The following NRXN3 variants were observed in gnomAD, a reference collection of about 807,000 sequenced individuals.
NRXN3 encodes neurexin 3, also known as neurexin III.
Under a neutral mutation model 137.6 loss-of-function variants are expected in NRXN3, and 32 were observed. The observed-to-expected ratio is 0.23, with a 90% CI of 0.18 to 0.31. The LOEUF is 0.31. Among genes scored for constraint, NRXN3 ranks in the 10% least tolerant of loss-of-function variants. The pLI, the probability that NRXN3 is intolerant of heterozygous loss-of-function variation, is 1.00. For missense variants in NRXN3, 1,574 were observed against 2,062.5 expected, an observed-to-expected ratio of 0.76 and a Z score of 4.59; for synonymous variants, 798 against 784.5, an observed-to-expected ratio of 1.02 and a Z score of -0.29.
At chr14:79,650,104 ATTGCTTGCTTGC>A (rs111731789) in intron 16 of NRXN3, among the ~76,000 whole-genome samples, 1 of 151,846 alleles carries the variant, frequency 6.6e-6, no homozygotes, top group African/African-American at 2.4e-5. Context: ...TCTGCTGCAG[ATTGCTTGCTTGC>A]TTGCTTGCTT....
At chr14:79,236,450 A>G (rs2073381816) in intron 15 of NRXN3, among the ~76,000 whole-genome samples, 1 of 152,112 alleles carries the variant, frequency 6.6e-6, no homozygotes, top group African/African-American at 2.4e-5. Flanking sequence ...TTAATACACA[A>G]ATTTCTCAAT....
intron 16 of NRXN3, among the ~76,000 whole-genome samples, chr14:79,605,589 G>A (rs1339649237): frequency 1.3e-5 from 2 of 152,120 alleles, no homozygotes; most frequent in Non-Finnish European, 2.9e-5. Flanking sequence ...CCAGGTTCAA[G>A]CAATTCTCCT....
chr14:78,276,534 ATCTCATTTAAT>A (rs1413417283), intron 2 of NRXN3, among the ~76,000 whole-genome samples: 2 of 152,186 alleles, frequency 1.3e-5, no homozygotes, highest in African/African-American at 4.8e-5. Flanking sequence ...CAAGCATTTA[ATCTCATTTAAT>A]TCTCATAACA....
chr14:79,600,990 T>C (rs2097915470), intron 16 of NRXN3, among the ~76,000 whole-genome samples: 1 of 151,858 alleles, frequency 6.6e-6, no homozygotes, highest in Non-Finnish European at 1.5e-5. Flanking sequence ...ATCTGTGTTC[T>C]TAACAATCTT....
intron 15 of NRXN3, among the ~76,000 whole-genome samples, chr14:79,010,289 CTCTT>C (rs938135747): frequency 1.3e-5 from 2 of 152,168 alleles, no homozygotes; most frequent in African/African-American, 2.4e-5. Flanking sequence ...TAATTGCCAT[CTCTT>C]TCTATGTTAG....
intron 4 of NRXN3, among the ~76,000 whole-genome samples, chr14:78,498,058 G>T (rs1444473030): frequency 2.0e-5 from 3 of 152,130 alleles, no homozygotes; most frequent in Non-Finnish European, 4.4e-5. Flanking sequence ...TGGAGACGGG[G>T]ATATTTTTCT....
At chr14:79,409,679 G>T (rs2095384158) in intron 15 of NRXN3, among the ~76,000 whole-genome samples, 1 of 142,158 alleles carries the variant, frequency 7.0e-6, no homozygotes, top group South Asian at 2.2e-4. Flanking sequence ...AAAATGAAAT[G>T]CCTACATTAC....
chr14:79,734,322 G>A (rs1254371177), intron 19 of NRXN3, among the ~76,000 whole-genome samples: 1 of 152,190 alleles, frequency 6.6e-6, no homozygotes, highest in East Asian at 1.9e-4. Flanking sequence ...TGTAGGTTGT[G>A]TCAACTTGGG....
At chr14:78,350,895 C>T (rs2083391012) in intron 4 of NRXN3, among the ~76,000 whole-genome samples, 1 of 152,112 alleles carries the variant, frequency 6.6e-6, no homozygotes, top group Non-Finnish European at 1.5e-5. Flanking sequence ...ATAATACAAA[C>T]CCCTAAAACC....
At chr14:78,321,753 G>C (rs2079396617) in intron 4 of NRXN3, among the ~76,000 whole-genome samples, 1 of 151,996 alleles carries the variant, frequency 6.6e-6, no homozygotes, top group Admixed American at 6.5e-5. Context: ...AGTCAAAAGA[G>C]GTATGTGTTT....
chr14:79,501,876 C>T lies in NRXN3; in HGVS notation c.3444+34474C>T, dbSNP rs574418677. Among the ~76,000 whole-genome samples the T allele has an allele frequency of 2.0e-5, 3 of 152,040 alleles. No individual in the cohort carries two copies. In the South Asian group the frequency reaches 6.2e-4, roughly 32 times the overall value. On this transcript the variant is annotated intron_variant, in intron 16 of 20. Transcript: ENST00000335750. ...AGGAAGGACAGAGGTGGGGCTTCCC[C>T]TAGTTATATTTTTATCTGATTGGGA...
intron 2 of NRXN3, among the ~76,000 whole-genome samples, chr14:78,252,823 G>T (rs2068854941): frequency 6.6e-6 from 1 of 152,222 alleles, no homozygotes; most frequent in South Asian, 2.1e-4. Flanking sequence ...TTAATAGGTT[G>T]CTTTCAAATA....
chr14:79,561,707 T>C (rs1046002722), intron 16 of NRXN3, among the ~76,000 whole-genome samples: 12 of 152,096 alleles, frequency 7.9e-5, no homozygotes, highest in Non-Finnish European at 4.4e-5. Flanking sequence ...CATCAAAAGG[T>C]AGCAGTTGGC....
chr14:78,891,454 G>A (rs1194113837), intron 10 of NRXN3, among the ~76,000 whole-genome samples: 1 of 151,824 alleles, frequency 6.6e-6, no homozygotes, highest in Non-Finnish European at 1.5e-5. Flanking sequence ...GAGTATTTAG[G>A]TGTGAGTAAC....
chr14:79,746,627 A>G (rs2098980500), intron 19 of NRXN3, among the ~76,000 whole-genome samples: 1 of 152,116 alleles, frequency 6.6e-6, no homozygotes, highest in African/African-American at 2.4e-5. Context: ...ACTGTAGTTT[A>G]CTTTTCTTGC....
chr14:78,736,481 G>T (rs1706500696), intron 8 of NRXN3, among the ~76,000 whole-genome samples: 1 of 151,914 alleles, frequency 6.6e-6, no homozygotes, highest in Non-Finnish European at 1.5e-5. Flanking sequence ...CATTTTATTG[G>T]GCATGTACTA....
chr14:79,834,502 A>G (rs925454436), intron 20 of NRXN3, among the ~76,000 whole-genome samples: 1 of 152,142 alleles, frequency 6.6e-6, no homozygotes, highest in African/African-American at 2.4e-5. Context: ...TAAAGACACA[A>G]CATTTTACAT....
chr14:78,840,068 C>G (rs1001683440), intron 10 of NRXN3, among the ~76,000 whole-genome samples: 1 of 152,126 alleles, frequency 6.6e-6, no homozygotes, highest in Admixed American at 6.5e-5. Flanking sequence ...GAGCAAAATA[C>G]CTACCTGTAT....
intron 10 of NRXN3, among the ~76,000 whole-genome samples, chr14:78,858,978 C>G (rs2099065006): frequency 6.6e-6 from 1 of 152,152 alleles, no homozygotes. Context: ...CTGTATCCCC[C>G]ACCCAAATCT....
Sources: allele counts gnomAD v4.1 joint callset (sites outside exome capture counted in the v4.1 genomes callset), GRCh38; gene constraint gnomAD v4.1.1; transcripts MANE v1.5; gene names NCBI Gene and HGNC (gene_info 2026-07-23, HGNC 2026-07-21).